CDKL2: variants seen among roughly 807,000 people sequenced by gnomAD.
CDKL2 encodes the protein cyclin-dependent kinase-like 2.
Under a neutral mutation model 63.9 loss-of-function variants are expected in CDKL2, and 64 were observed. The ratio of observed to expected loss-of-function variants is 1.00; its 90% confidence interval spans 0.82 to 1.23. The LOEUF is 1.23. Among genes scored for constraint, CDKL2 ranks in the 50% most tolerant of loss-of-function variants. The probability of loss-of-function intolerance (pLI) is 0.00; values close to 1 mark genes in which losing one functional copy is unlikely to be tolerated. For synonymous variants in CDKL2, 211 were observed against 229.2 expected, an observed-to-expected ratio of 0.92 and a Z score of 0.72; for missense variants, 656 against 668.0, an observed-to-expected ratio of 0.98 and a Z score of 0.20.
rs1283459148 is a variant in CDKL2 at position 75,593,468 on chromosome 4, G to A, written c.1417-1199C>T. On this transcript the variant is annotated intron_variant, in intron 10 of 13. Transcript: ENST00000307465. The stretch of plus-strand genomic sequence containing the variant: ...TTTCGTTAAGGAAAGACTCCACTGG[G>A]TCTTCACCCTCCTAATCTTCACCTC... Among the ~76,000 whole-genome samples, 4 of 151,978 alleles carry A rather than the reference G, an allele frequency of 2.6e-5. No homozygotes were observed. In the East Asian group the frequency reaches 5.8e-4, roughly 22 times the overall value.
chr4:75,595,197 TTTC>T, intron 10 of CDKL2, among the ~76,000 whole-genome samples: 1 of 134,878 alleles, frequency 7.4e-6, no homozygotes, highest in South Asian at 2.4e-4. Context: ...GAATCGTTTC[TTTC>T]TTCTTTTTTT....
chr4:75,625,843 A>T lies in CDKL2; in HGVS notation c.146T>A (p.Met49Lys), dbSNP rs746246731. Residue 49 changes from methionine (M) to lysine (K), a missense_variant, in exon 2 of 14, where the codon ATG (methionine) becomes AAG (lysine). Transcript: ENST00000307465. ...DDDKMVKKIAMREIKLLKQLR... is the reference protein window; with the variant it reads ...DDDKMVKKIAKREIKLLKQLR... Reference sequence around the variant, plus strand: ...CACCTTTAGTAACTTGATTTCTCGCATTGCAATCTTTTTAACCATTTTGTC... The same window carrying T: ...CACCTTTAGTAACTTGATTTCTCGCTTTGCAATCTTTTTAACCATTTTGTC... 24 of 1,611,886 alleles carry T rather than the reference A, an allele frequency of 1.5e-5. No homozygotes were observed. The highest frequency in any genetic ancestry group is 1.6e-5 in the Non-Finnish European group (19 of 1,179,504).
chr4:75,596,033 A>AAGG (rs1728915907), intron 10 of CDKL2: 4 of 33,962 alleles, frequency 1.2e-4, no homozygotes, highest in Admixed American at 1.0e-3. Context: ...AGGAAGGAAG[A>AAGG]AAGGAAGGAA....
intron 3 of CDKL2, among the ~76,000 whole-genome samples, chr4:75,609,399 G>A (rs1729576182): frequency 6.6e-6 from 1 of 151,844 alleles, no homozygotes; most frequent in South Asian, 2.1e-4. Context: ...GAGGTCAGGA[G>A]TTTGAGACCA....
chr4:75,603,537 T>C (rs1729291510), intron 6 of CDKL2, among the ~76,000 whole-genome samples: 2 of 150,576 alleles, frequency 1.3e-5, no homozygotes, highest in South Asian at 4.2e-4. Flanking sequence ...GAGACCATCC[T>C]GGCTAACACA....
At chr4:75,627,476 GCC>G (rs1017533433) in intron 1 of CDKL2, among the ~76,000 whole-genome samples, 3 of 151,840 alleles carry the variant, frequency 2.0e-5, no homozygotes, top group African/African-American at 7.3e-5. Context: ...TTGCCATGTT[GCC>G]CAGGCTGATC....
At chr4:75,595,203 CTTTTT>C (rs71203830) in intron 10 of CDKL2, among the ~76,000 whole-genome samples, 2 of 135,276 alleles carry the variant, frequency 1.5e-5, no homozygotes, top group African/African-American at 2.7e-5. Flanking sequence ...TTTCTTTCTT[CTTTTT>C]TTTTTTTTTT....
chr4:75,600,494 G>T, intron 6 of CDKL2, 125 bp from the exon 7 acceptor site: 1 of 653,300 alleles, frequency 1.5e-6, no homozygotes, highest in Non-Finnish European at 2.7e-6. Flanking sequence ...GTCTCACTCT[G>T]TTGCCCAGGC....
In CDKL2 at chr4:75,581,857, C is replaced by A; in HGVS notation, c.1689G>T (p.Leu563Phe). Residue 563 changes from leucine (L) to phenylalanine (F), a missense_variant, in exon 13 of 14, where the codon TTG becomes TTT. Leu to Phe is a conservative substitution (Grantham distance 22, BLOSUM62 0). Transcript: ENST00000307465. Reference protein sequence around the residue: ...PPLSDDSGADLPQMEHQH With the variant: ...PPLSDDSGADFPQMEHQH ...CTCAGTGCTGGTGTTCCATTTGAGG[C>A]AAATCAGCCCCTGAATCATCTGACA... 6.2e-7 allele frequency: 1 copy of A among 1,612,862 alleles called. No individual in the cohort carries two copies. The highest frequency in any genetic ancestry group is 8.5e-7 in the Non-Finnish European group (1 of 1,179,226).
At chr4:75,602,003 G>T (rs1729208612) in intron 6 of CDKL2, among the ~76,000 whole-genome samples, 1 of 152,160 alleles carries the variant, frequency 6.6e-6, no homozygotes, top group Admixed American at 6.6e-5. Context: ...AAATTTTAGA[G>T]TTGATTCTCA....
intron 2 of CDKL2, among the ~76,000 whole-genome samples, chr4:75,624,019 A>C (rs1730286066): frequency 6.6e-6 from 1 of 151,736 alleles, no homozygotes; most frequent in African/African-American, 2.4e-5. Context: ...CTATAGTACC[A>C]GCTACTCAGG....
intron 3 of CDKL2, among the ~76,000 whole-genome samples, chr4:75,610,736 C>T (rs1729651136): frequency 6.6e-6 from 1 of 152,156 alleles, no homozygotes; most frequent in Admixed American, 6.5e-5. Flanking sequence ...TATATAGATA[C>T]ATTTAAAAAT....
chr4:75,587,903 C>CAA (rs72495158), intron 12 of CDKL2, among the ~76,000 whole-genome samples: 9 of 83,742 alleles, frequency 1.1e-4, no homozygotes, highest in Non-Finnish European at 1.2e-4. Context: ...GATTCTGTCT[C>CAA]AAAAAAAAAA....
At chr4:75,606,815 T>C (rs1380948531) in intron 4 of CDKL2, among the ~76,000 whole-genome samples, 1 of 152,252 alleles carries the variant, frequency 6.6e-6, no homozygotes, top group Non-Finnish European at 1.5e-5. Context: ...AGAAAATTTA[T>C]GTTTTAAAAA....
chr4:75,607,584 C>T (rs1046387002), intron 3 of CDKL2, among the ~76,000 whole-genome samples: 2 of 151,936 alleles, frequency 1.3e-5, no homozygotes, highest in African/African-American at 4.8e-5. Flanking sequence ...TATATTTTTT[C>T]AAATTACTAA....
At chr4:75,622,842 T>C (rs1180328883) in intron 2 of CDKL2, among the ~76,000 whole-genome samples, 1 of 151,332 alleles carries the variant, frequency 6.6e-6, no homozygotes, top group Admixed American at 6.6e-5. Flanking sequence ...ATTGTATAAA[T>C]TCAATAAATT....
intron 2 of CDKL2, among the ~76,000 whole-genome samples, chr4:75,618,854 A>C (rs1369318047): frequency 1.3e-5 from 2 of 152,230 alleles, no homozygotes; most frequent in Non-Finnish European, 2.9e-5. Context: ...TCCAGAGTGA[A>C]AATGAACAGA....
chr4:75,582,039 GAAGT>G (rs940784531), intron 12 of CDKL2, 141 bp from the exon 13 acceptor site: 2 of 618,248 alleles, frequency 3.2e-6, no homozygotes, highest in South Asian at 2.0e-5. Flanking sequence ...GGAAAAGAAT[GAAGT>G]AAGGGGACAT....
chr4:75,605,957 T>C (rs1169237450), intron 4 of CDKL2, among the ~76,000 whole-genome samples: 2 of 152,190 alleles, frequency 1.3e-5, no homozygotes, highest in Non-Finnish European at 2.9e-5. Context: ...AAGTGAGCTT[T>C]CCAGAAACTT....
Sources: gnomAD v4.1 joint callset for allele counts (sites outside exome capture counted in the v4.1 genomes callset) on GRCh38, gnomAD v4.1.1 for gene constraint, MANE v1.5 for transcripts, NCBI Gene and HGNC (gene_info 2026-07-23, HGNC 2026-07-21) for gene names.